The following TEX46 variants were observed in gnomAD, a reference collection of about 807,000 sequenced individuals.
TEX46 encodes the protein testis-expressed protein 46.
Under a neutral mutation model 5.3 loss-of-function variants are expected in TEX46, and 6 were observed. That is an observed-to-expected ratio of 1.13 (90% confidence interval 0.62 to 2.23). The LOEUF (loss-of-function observed/expected upper bound fraction) is 2.23. Ranked by LOEUF, TEX46 falls within the 30% of genes most tolerant of loss-of-function variation. The pLI is 0.00. For missense variants in TEX46, 131 were observed against 150.9 expected (o/e 0.87, Z 0.69); for synonymous variants, 41 against 54.6 (o/e 0.75, Z 1.10).
chr1:23,011,500 CT>C (rs1203854257), intron 2 of TEX46, among the ~76,000 whole-genome samples: 4 of 151,400 alleles, frequency 2.6e-5, no homozygotes, highest in Non-Finnish European at 2.9e-5. Context: ...TCAAACGATT[CT>C]TCTGCCTCAG....
intron 2 of TEX46, among the ~76,000 whole-genome samples, chr1:23,012,854 AG>A (rs1399400133): frequency 4.0e-5 from 6 of 149,432 alleles, no homozygotes; most frequent in Admixed American, 2.0e-4. Context: ...TAAATAAGAT[AG>A]GCTATTGTTT....
chr1:23,015,759 T>TA lies in TEX46; in HGVS notation c.2+12_2+13insT. 1 of 693,604 alleles carries TA rather than the reference T, an allele frequency of 1.4e-6. No homozygotes were observed. Among genetic ancestry groups the TA allele is most frequent in the East Asian group, 2.7e-5 (1 of 37,212 alleles). The allele number at this position is 693,604 out of a possible 1,614,324, so 43.0% of individuals were successfully genotyped here. Reference sequence around the variant, plus strand: ...TCACAAAAAAAAAACAAATACCGTATGATTCCACTTACATGAGCTATCTAC... The same window carrying TA: ...TCACAAAAAAAAAACAAATACCGTATAGATTCCACTTACATGAGCTATCTAC... On this transcript the variant is annotated intron_variant, in intron 1 of 2. Coordinates refer to ENST00000566855, the MANE Select transcript of TEX46 (RefSeq NM_001242521.2).
chr1:23,014,873 C>T (rs191804958), intron 1 of TEX46, among the ~76,000 whole-genome samples: 3 of 152,020 alleles, frequency 2.0e-5, no homozygotes, highest in Admixed American at 6.6e-5. Flanking sequence ...GACAGACTCT[C>T]ACTCTGCTGC....
rs1029825120 is a variant in TEX46, at chr1:23,015,631, T to C, written c.2+141A>G. ...ATCCACAGATGAATGGATAATAAAA[T>C]GTTATATACACGCAATATTACCAGC... On this transcript the variant is annotated intron_variant, in intron 1 of 2. Transcript: ENST00000566855. 6.5e-5 allele frequency: 37 copies of C among 571,674 alleles called. No homozygotes were observed. The Middle Eastern group carries it at 1.9e-3, about 29-fold the overall frequency. 35.4% of individuals were successfully genotyped at this position (571,674 alleles called of 1,614,324 possible).
At chr1:23,013,682 G>A (rs1007314160) in intron 2 of TEX46, among the ~76,000 whole-genome samples, 4 of 152,100 alleles carry the variant, frequency 2.6e-5, no homozygotes, top group East Asian at 1.9e-4. Flanking sequence ...AACAGCTGAG[G>A]TGAGGCAACT....
At chr1:23,013,365 G>A (rs1318334176) in intron 2 of TEX46, among the ~76,000 whole-genome samples, 1 of 151,508 alleles carries the variant, frequency 6.6e-6, no homozygotes, top group African/African-American at 2.4e-5. Context: ...TAGAGACGAG[G>A]TGTTACCATG....
intron 2 of TEX46, among the ~76,000 whole-genome samples, chr1:23,011,914 A>G (rs1030505266): frequency 2.0e-5 from 3 of 152,374 alleles, no homozygotes; most frequent in African/African-American, 7.2e-5. Flanking sequence ...TGTCAGGCTC[A>G]GTACGATCTC....
Position 23,010,996 on chromosome 1 carries a change from T to C in TEX46, c.271A>G (p.Arg91Gly). ...TTTTTCATGGGAAAATTCCGATGTC[T>C]GCTTGACCGCCCGTGGTGATTCATT... ...NKMNHHGRSS[R>G]HRNFPMKKHR... Residue 91 changes from arginine to glycine, a missense_variant, in exon 3 of 3, where the codon AGA (arginine) becomes GGA (glycine). Arg to Gly is a moderately radical substitution (Grantham distance 125, BLOSUM62 -2). Coordinates refer to ENST00000566855, the MANE Select transcript of TEX46 (RefSeq NM_001242521.2). 7.2e-6 allele frequency: 11 copies of C among 1,535,970 alleles called. No homozygotes were observed. The highest frequency in any genetic ancestry group is 6.1e-6 in the Non-Finnish European group (7 of 1,146,760).
chr1:23,015,436 C>CAAAAAAAAAAAAAAAAAAAA (rs61258225), intron 1 of TEX46, among the ~76,000 whole-genome samples: 1 of 27,776 alleles, frequency 3.6e-5, no homozygotes, highest in African/African-American at 1.5e-4. Context: ...GACTCCTTCT[C>CAAAAAAAAAAAAAAAAAAAA]AAAAAAAAAA....
chr1:23,011,099 G>C lies in TEX46; in HGVS notation c.168C>G (p.Asp56Glu), dbSNP rs919319910. ...HKLTLPEPQQ[D>E]EILQRLLFSE... ...TGAACAACAGCCGTTGGAGGATCTC[G>C]TCCTGGAGGGCAAAGCAGGCATGCG... Residue 56 changes from aspartate to glutamate, a missense_variant and splice_region_variant, in exon 3 of 3, where the codon GAC (aspartate) becomes GAG (glutamate). Coordinates refer to ENST00000566855, the MANE Select transcript of TEX46 (RefSeq NM_001242521.2). 6.5e-7 allele frequency: 1 copy of C among 1,535,692 alleles called. No homozygotes were observed. Among genetic ancestry groups the C allele is most frequent in the Middle Eastern group, 1.7e-4 (1 of 5,986 alleles).
At chr1:23,011,144 G>T in intron 2 of TEX46, 43 bp from the exon 3 acceptor site, 1 of 1,465,226 alleles carries the variant, frequency 6.8e-7, no homozygotes, top group Non-Finnish European at 9.2e-7. Context: ...CTTCTTTTGT[G>T]TTCACGGCCT....
At chr1:23,014,253 G>A (rs1175003928) in intron 1 of TEX46, 6 of 544,544 alleles carry the variant, frequency 1.1e-5, no homozygotes, top group African/African-American at 2.1e-5. Flanking sequence ...CTCTTTGACA[G>A]GCAGTTTGAA....
In TEX46 at chr1:23,015,756, G is replaced by A. The variant is rs754135644; in HGVS notation, c.2+16C>T. On this transcript the variant is annotated intron_variant, in intron 1 of 2. Transcript: ENST00000566855. ...CAGTCACAAAAAAAAAACAAATACC[G>A]TATGATTCCACTTACATGAGCTATC... 4.9e-5 allele frequency: 34 copies of A among 697,352 alleles called. No individual in the cohort carries two copies. The highest frequency in any genetic ancestry group is 2.8e-4 in the Admixed American group (14 of 49,396). 43.2% of individuals were successfully genotyped at this position (697,352 alleles called of 1,614,324 possible).
chr1:23,013,054 G>A (rs976031577), intron 2 of TEX46, among the ~76,000 whole-genome samples: 2 of 151,818 alleles, frequency 1.3e-5, no homozygotes, highest in African/African-American at 4.8e-5. Flanking sequence ...TTTTAGAGAT[G>A]GGGTTTCCTC....
chr1:23,014,566 A>AT (rs1455270269), intron 1 of TEX46, among the ~76,000 whole-genome samples: 2 of 151,538 alleles, frequency 1.3e-5, no homozygotes, highest in African/African-American at 4.8e-5. Flanking sequence ...ATTTTATTTT[A>AT]TTTTTGAGAC....
chr1:23,011,100 T>A lies in TEX46; in HGVS notation c.167A>T (p.Asp56Val). Residue 56 changes from aspartate (D) to valine (V), a missense_variant and splice_region_variant, in exon 3 of 3, where the codon GAC becomes GTC. Physicochemically the swap from Asp to Val is radical, Grantham distance 152 (BLOSUM62 -3). Transcript: ENST00000566855. ...GAACAACAGCCGTTGGAGGATCTCG[T>A]CCTGGAGGGCAAAGCAGGCATGCGT... ...HKLTLPEPQQ[D>V]EILQRLLFSE... is the part of the protein sequence containing the mutation. The A allele has an allele frequency of 6.5e-7, 1 of 1,535,820 alleles. No homozygotes were observed. The highest frequency in any genetic ancestry group is 1.2e-5 in the South Asian group (1 of 84,040).
chr1:23,015,467 A>AAAAAAAC (rs1491026162), intron 1 of TEX46, among the ~76,000 whole-genome samples: 1 of 131,898 alleles, frequency 7.6e-6, no homozygotes, highest in Non-Finnish European at 1.7e-5. Flanking sequence ...AAAAAAAAAA[A>AAAAAAAC]AGCATACATT....
At chr1:23,012,869 CTTTTT>C (rs58815269) in intron 2 of TEX46, among the ~76,000 whole-genome samples, 5 of 103,046 alleles carry the variant, frequency 4.9e-5, no homozygotes, top group Non-Finnish European at 1.0e-4. Flanking sequence ...ATTGTTTTGC[CTTTTT>C]TTTTTTTTTT....
intron 1 of TEX46, 52 bp from the exon 2 acceptor site, chr1:23,014,097 C>T (rs1021528170): frequency 6.6e-7 from 1 of 1,508,642 alleles, no homozygotes; most frequent in Non-Finnish European, 8.8e-7. Flanking sequence ...GCACACAGGC[C>T]CCAGGACCCT....
Sources: gnomAD v4.1 joint callset for allele counts (sites outside exome capture counted in the v4.1 genomes callset) on GRCh38, gnomAD v4.1.1 for gene constraint, MANE v1.5 for transcripts, NCBI Gene and HGNC (gene_info 2026-07-23, HGNC 2026-07-21) for gene names.